The following RARB variants were observed in gnomAD, a reference collection of about 807,000 sequenced individuals.
RARB encodes the protein retinoic acid receptor beta, also known as HBV-activated protein.
Under a neutral mutation model 51.9 loss-of-function variants are expected in RARB, and 17 were observed. The observed-to-expected ratio is 0.33, with a 90% CI of 0.22 to 0.49. RARB has a LOEUF of 0.49. Ranked by LOEUF, RARB falls within the 20% of genes least tolerant of loss-of-function variation. The pLI, the probability that RARB is intolerant of heterozygous loss-of-function variation, is 0.99. For missense variants in RARB, 369 were observed against 550.8 expected, an observed-to-expected ratio of 0.67 and a Z score of 3.30; for synonymous variants, 215 against 195.4, an observed-to-expected ratio of 1.10 and a Z score of -0.84.
intron 2 of RARB, among the ~76,000 whole-genome samples, chr3:24,996,857 A>G (rs1183087726): frequency 6.6e-6 from 1 of 151,940 alleles, no homozygotes. Flanking sequence ...AAATTTAGAG[A>G]CTTGTTTTGT....
At chr3:24,918,469 A>C (rs1260604257) in intron 2 of RARB, among the ~76,000 whole-genome samples, 1 of 152,210 alleles carries the variant, frequency 6.6e-6, no homozygotes, top group Admixed American at 6.5e-5. Flanking sequence ...TTAAAACTTG[A>C]GTGTGATGAT....
chr3:25,086,729 G>GGT (rs976248312), intron 3 of RARB, among the ~76,000 whole-genome samples: 1 of 152,078 alleles, frequency 6.6e-6, no homozygotes, highest in Admixed American at 6.6e-5. Context: ...CCAGGTCACA[G>GGT]GTGTATTCAA....
At chr3:25,132,882 T>A (rs1268046534) in intron 4 of RARB, among the ~76,000 whole-genome samples, 1 of 151,882 alleles carries the variant, frequency 6.6e-6, no homozygotes, top group Admixed American at 6.6e-5. Context: ...AAAACATTTT[T>A]AAAAATAAAA....
At chr3:25,092,360 C>G (rs1699213650) in intron 3 of RARB, among the ~76,000 whole-genome samples, 3 of 151,888 alleles carry the variant, frequency 2.0e-5, no homozygotes, top group African/African-American at 7.3e-5. Context: ...TTTGTTTGCC[C>G]AAGATCTTAA....
intron 2 of RARB, among the ~76,000 whole-genome samples, chr3:24,940,598 T>G (rs551233490): frequency 6.6e-6 from 1 of 152,280 alleles, no homozygotes; most frequent in South Asian, 2.1e-4. Context: ...ATGGCAGTAC[T>G]CCCCAGGGTA....
rs117071495 is a variant in RARB at position 25,195,208 on chromosome 3, G to C, written c.178+20633G>C. 6.3e-3 allele frequency among the ~76,000 whole-genome samples: 956 copies of C among 151,848 alleles called. 18 individuals are homozygous for C. The highest frequency in any genetic ancestry group is 0.03 in the East Asian group (154 of 5,146). ...TTATGAAATTTTTTTTTTCCAAACA[G>C]TTTCACCTGAAGATATCCATTTCTT... is the stretch of plus-strand genomic sequence containing the variant. On this transcript the variant is annotated intron_variant, in intron 5 of 11. Coordinates refer to the RARB transcript ENST00000383772.
chr3:25,251,139 C>G (rs886254204), intron 5 of RARB, among the ~76,000 whole-genome samples: 1 of 152,066 alleles, frequency 6.6e-6, no homozygotes, highest in African/African-American at 2.4e-5. Flanking sequence ...AATATGCATT[C>G]TTGACTGGCT....
intron 5 of RARB, among the ~76,000 whole-genome samples, chr3:25,397,078 A>C (rs138008549): frequency 0.013 from 1,984 of 152,208 alleles, 42 homozygotes; most frequent in African/African-American, 0.044. Context: ...TCTGCCCAGG[A>C]AGTTGAAATT....
chr3:25,077,686 TG>T (rs1698898360), intron 3 of RARB, among the ~76,000 whole-genome samples: 1 of 152,148 alleles, frequency 6.6e-6, no homozygotes. Flanking sequence ...CATTTCTCTT[TG>T]GGAAATTGCT....
At chr3:25,428,204 G>A (rs1708053252), upstream of RARB, 6 of 1,221,194 alleles carry the variant, frequency 4.9e-6, no homozygotes, top group Non-Finnish European at 6.1e-6. Context: ...TTAGCAGCCC[G>A]GGTAGGGTTC....
intron 5 of RARB, among the ~76,000 whole-genome samples, chr3:25,392,664 C>G (rs1025643079): frequency 2.0e-5 from 3 of 151,312 alleles, no homozygotes; most frequent in Admixed American, 6.6e-5. Context: ...TAAAAGGGGT[C>G]GAGGTATTTA....
intron 3 of RARB, among the ~76,000 whole-genome samples, chr3:25,121,727 T>G (rs1471864389): frequency 5.3e-5 from 8 of 152,166 alleles, no homozygotes; most frequent in Admixed American, 4.6e-4. Context: ...ACTTGCTGAA[T>G]TAATAGGCTA....
In RARB at chr3:25,181,316, C is replaced by T. The variant is rs150707155; in HGVS notation, c.178+6741C>T. ...ATCGTAAGTACTCTGATTTACTATG[C>T]ATGTCTTATTCTGCTGTCTTTAGTT... On this transcript the variant is annotated intron_variant, in intron 5 of 11. Transcript: ENST00000383772. Among the ~76,000 whole-genome samples, 355 of 152,278 alleles carry T rather than the reference C, an allele frequency of 2.3e-3. 2 individuals are homozygous for T. The highest frequency in any genetic ancestry group is 0.02 in the East Asian group (105 of 5,174).
intron 3 of RARB, among the ~76,000 whole-genome samples, chr3:25,097,316 A>G (rs1049731816): frequency 6.6e-6 from 1 of 152,208 alleles, no homozygotes; most frequent in Non-Finnish European, 1.5e-5. Context: ...GCATGGTTTA[A>G]AATAGAAATC....
At chr3:25,196,792 G>C (rs145667290) in intron 5 of RARB, among the ~76,000 whole-genome samples, 1,587 of 152,196 alleles carry the variant, frequency 0.01, 10 homozygotes, top group Non-Finnish European at 0.016. Context: ...TCTCATTGTG[G>C]TTTTGATTTG....
At chr3:25,215,341 G>T (rs1382259128) in intron 5 of RARB, among the ~76,000 whole-genome samples, 18 of 152,140 alleles carry the variant, frequency 1.2e-4, no homozygotes, top group Admixed American at 6.5e-5. Context: ...AAGTGTTTGT[G>T]GGAAAGGGTT....
intron 3 of RARB, among the ~76,000 whole-genome samples, chr3:25,100,179 C>A (rs1699372988): frequency 6.6e-6 from 1 of 152,090 alleles, no homozygotes; most frequent in African/African-American, 2.4e-5. Flanking sequence ...TCAAAACAGA[C>A]AACATATCCG....
At chr3:25,329,272 C>T (rs1411242185) in intron 5 of RARB, among the ~76,000 whole-genome samples, 1 of 152,278 alleles carries the variant, frequency 6.6e-6, no homozygotes, top group Non-Finnish European at 1.5e-5. Flanking sequence ...GAGGCACCAC[C>T]CAGTAGGGGC....
At chr3:25,454,879 G>A (rs1361395488) in intron 1 of RARB, among the ~76,000 whole-genome samples, 1 of 152,192 alleles carries the variant, frequency 6.6e-6, no homozygotes, top group African/African-American at 2.4e-5. Context: ...AGTTAAATTC[G>A]TAAGTGCCAA....
Sources: allele counts gnomAD v4.1 joint callset (sites outside exome capture counted in the v4.1 genomes callset), GRCh38; gene constraint gnomAD v4.1.1; transcripts MANE v1.5; gene names NCBI Gene and HGNC (gene_info 2026-07-23, HGNC 2026-07-21).